The following PPP6R3 variants were observed in gnomAD, a reference collection of about 807,000 sequenced individuals.
The protein encoded by PPP6R3 is protein phosphatase 6 regulatory subunit 3, also known as serine/threonine-protein phosphatase 6 regulatory subunit 3.
In PPP6R3, 38 loss-of-function variants were observed where a neutral mutation model predicts 110.7. That is an observed-to-expected ratio of 0.34 (90% CI 0.26 to 0.45). PPP6R3 has a LOEUF of 0.45. Ranked by LOEUF, PPP6R3 falls within the 20% of genes least tolerant of loss-of-function variation. PPP6R3 has a pLI of 1.00. For synonymous variants in PPP6R3, 369 were observed against 373.5 expected (o/e 0.99, Z 0.14); for missense variants, 870 against 1,062.4 (o/e 0.82, Z 2.52).
chr11:68,499,570 T>G (rs947617345), intron 1 of PPP6R3, among the ~76,000 whole-genome samples: 2 of 152,046 alleles, frequency 1.3e-5, no homozygotes, highest in Admixed American at 1.3e-4. Flanking sequence ...AGAGGCACAT[T>G]GTGGACTTCT....
rs369467460 is a variant in PPP6R3 at position 68,484,617 on chromosome 11, C to T, written c.-158+23790C>T. Among the ~76,000 whole-genome samples the T allele has an allele frequency of 5.1e-4, 78 of 151,570 alleles. 1 individual carries two copies. The highest frequency in any genetic ancestry group is 4.6e-3 in the Admixed American group (70 of 15,182). ...AGATACATATTTTGAGACGGAGTTT[C>T]GCTCTTGTTGCCCAGGGTGGAGTGT... On this transcript the variant is annotated intron_variant, in intron 1 of 23. Transcript: ENST00000393800.
chr11:68,540,651 G>C (rs1478856845), intron 3 of PPP6R3, among the ~76,000 whole-genome samples: 1 of 152,032 alleles, frequency 6.6e-6, no homozygotes, highest in African/African-American at 2.4e-5. Context: ...ACTGGAGTCT[G>C]TCTCACCTCT....
At chr11:68,568,486 A>AG (rs2153769410) in intron 10 of PPP6R3, among the ~76,000 whole-genome samples, 1 of 152,302 alleles carries the variant, frequency 6.6e-6, no homozygotes, top group Non-Finnish European at 1.5e-5. Context: ...GACTTCCAAA[A>AG]TATGGCATTT....
intron 1 of PPP6R3, among the ~76,000 whole-genome samples, chr11:68,467,252 T>C (rs780657203): frequency 9.2e-5 from 14 of 152,248 alleles, no homozygotes; most frequent in Non-Finnish European, 2.1e-4. Flanking sequence ...ATTTTGTACT[T>C]CACAGTAACT....
chr11:68,494,834 C>T (rs773089741), intron 1 of PPP6R3, among the ~76,000 whole-genome samples: 2 of 152,146 alleles, frequency 1.3e-5, no homozygotes, highest in Admixed American at 1.3e-4. Flanking sequence ...TTATTGAGAA[C>T]TGTATTTACA....
intron 1 of PPP6R3, among the ~76,000 whole-genome samples, chr11:68,467,807 G>C (rs10896327): frequency 0.38 from 57,200 of 152,084 alleles, 11,831 homozygotes; most frequent in African/African-American, 0.54. Flanking sequence ...TGGACTCTCA[G>C]TCTGTCGCCC....
At chr11:68,543,403 G>GTTTT (rs58332211) in intron 3 of PPP6R3, among the ~76,000 whole-genome samples, 7 of 146,882 alleles carry the variant, frequency 4.8e-5, no homozygotes, top group Non-Finnish European at 1.0e-4. Context: ...TGCCAGGTCT[G>GTTTT]TTTTTTTTTT....
intron 8 of PPP6R3, among the ~76,000 whole-genome samples, chr11:68,563,648 G>A (rs1436714336): frequency 1.3e-5 from 2 of 152,210 alleles, no homozygotes; most frequent in African/African-American, 4.8e-5. Flanking sequence ...AGGGCAACTG[G>A]AAGTCACACA....
intron 1 of PPP6R3, among the ~76,000 whole-genome samples, chr11:68,476,157 C>T (rs1358882572): frequency 8.5e-5 from 13 of 152,342 alleles, no homozygotes; most frequent in Admixed American, 3.3e-4. Context: ...CGCCACTGCA[C>T]TCCAGCCTGG....
At chr11:68,610,748 A>G (rs1366332923) in intron 23 of PPP6R3, among the ~76,000 whole-genome samples, 1 of 152,176 alleles carries the variant, frequency 6.6e-6, no homozygotes, top group Non-Finnish European at 1.5e-5. Context: ...ACTTCCCACA[A>G]TCAACTTCTG....
chr11:68,476,893 G>A (rs930531826), intron 1 of PPP6R3, among the ~76,000 whole-genome samples: 22 of 151,934 alleles, frequency 1.4e-4, no homozygotes, highest in African/African-American at 5.3e-4. Flanking sequence ...GGGCGTGGTG[G>A]TTTGTGCCTG....
chr11:68,579,385 A>C (rs2099544266), intron 14 of PPP6R3, among the ~76,000 whole-genome samples: 1 of 152,248 alleles, frequency 6.6e-6, no homozygotes. Context: ...CGAAAATTTT[A>C]TTTCGAAAGA....
At chr11:68,551,020 C>A in intron 5 of PPP6R3, 101 bp from the exon 6 acceptor site, 1 of 836,396 alleles carries the variant, frequency 1.2e-6, no homozygotes. Flanking sequence ...CTGTAACATT[C>A]TACTTAAAAT....
rs1376096135 is a variant in PPP6R3 at position 68,588,070 on chromosome 11, C to T, written c.1730+46C>T. The T allele has an allele frequency of 2.0e-6, 3 of 1,488,884 alleles. No homozygotes were observed. In the East Asian group the frequency reaches 6.8e-5, roughly 34 times the overall value. The allele number at this position is 1,488,884 out of a possible 1,614,324, so 92.2% of individuals were successfully genotyped here. On this transcript the variant is annotated intron_variant, in intron 16 of 23. Transcript: ENST00000393800. ...CCGCTGTTGCTCTTGCACACCCTTG[C>T]TCTTGGTAGATGTATGTGTGATTCT...
intron 12 of PPP6R3, among the ~76,000 whole-genome samples, chr11:68,573,117 TATATATA>T (rs1565932972): frequency 2.1e-4 from 5 of 23,670 alleles, no homozygotes; most frequent in East Asian, 2.7e-3. Flanking sequence ...ACTTATTTTA[TATATATA>T]TATATATATA....
intron 14 of PPP6R3, among the ~76,000 whole-genome samples, chr11:68,576,481 G>C (rs143933507): frequency 4.6e-5 from 7 of 152,162 alleles, no homozygotes; most frequent in African/African-American, 1.7e-4. Context: ...ATTCCCAATG[G>C]GGGAATATTT....
At chr11:68,529,323 A>AT (rs1254659461) in intron 2 of PPP6R3, among the ~76,000 whole-genome samples, 1 of 152,026 alleles carries the variant, frequency 6.6e-6, no homozygotes, top group Non-Finnish European at 1.5e-5. Flanking sequence ...GGTTCAAGTG[A>AT]TTCTCCTGCC....
At chr11:68,546,030 T>G (rs2099347774) in intron 4 of PPP6R3, among the ~76,000 whole-genome samples, 2 of 152,226 alleles carry the variant, frequency 1.3e-5, no homozygotes, top group African/African-American at 2.4e-5. Context: ...GTGGAAGGAC[T>G]GGAGCTATTT....
chr11:68,461,164 C>T (rs1027930184), intron 1 of PPP6R3, among the ~76,000 whole-genome samples: 3 of 150,750 alleles, frequency 2.0e-5, no homozygotes, highest in African/African-American at 7.3e-5. Context: ...GCTCTGGCTC[C>T]AGCCTTCCCG....
Sources: allele counts gnomAD v4.1 joint callset (sites outside exome capture counted in the v4.1 genomes callset), GRCh38; gene constraint gnomAD v4.1.1; transcripts MANE v1.5; gene names NCBI Gene and HGNC (gene_info 2026-07-23, HGNC 2026-07-21).